Variants in NPTXR observed in about 807,000 individuals in gnomAD.
The protein encoded by NPTXR is neuronal pentraxin receptor.
Under a neutral mutation model 32.2 loss-of-function variants are expected in NPTXR, and 12 were observed. The ratio of observed to expected loss-of-function variants is 0.37; its 90% confidence interval spans 0.24 to 0.60. The LOEUF (loss-of-function observed/expected upper bound fraction) is 0.60, where lower values mean the gene tolerates loss of function less well. Ranked by LOEUF, NPTXR falls within the 20% of genes least tolerant of loss-of-function variation. The pLI is 0.66. For synonymous variants in NPTXR, 323 were observed against 315.8 expected (o/e 1.02, Z -0.24); for missense variants, 612 against 682.9 (o/e 0.90, Z 1.16).
intron 4 of NPTXR, 122 bp from the exon 5 acceptor site, chr22:38,822,955 C>T: frequency 7.0e-7 from 1 of 1,433,728 alleles, no homozygotes; most frequent in Admixed American, 1.9e-5. Context: ...CACTGAAGCC[C>T]CACCGCCAAC....
chr22:38,827,675 A>T (rs1188589897), intron 2 of NPTXR, among the ~76,000 whole-genome samples: 2 of 152,238 alleles, frequency 1.3e-5, no homozygotes, highest in Non-Finnish European at 2.9e-5. Context: ...AAGGTCTTTG[A>T]GAGCTCATGA....
In NPTXR at chr22:38,828,403, T is replaced by G. The variant is rs1243809273; in HGVS notation, c.734A>C (p.Gln245Pro). The change falls in exon 2 of 5, where the codon CAG becomes CCG. Residue 245 changes from glutamine (Q) to proline (P), a missense_variant. Physicochemically the swap from Gln to Pro is moderately conservative, Grantham distance 76. Transcript: ENST00000333039. ...ACGCTCCTTCTCCAGTGCCAGCACC[T>G]GGGCCAGCAGCTGCCCCTCCAGCTG... is the stretch of plus-strand genomic sequence containing the variant. 6.2e-7 allele frequency: 1 copy of G among 1,612,654 alleles called. No individual in the cohort carries two copies. Among genetic ancestry groups the G allele is most frequent in the East Asian group, 2.2e-5 (1 of 44,874 alleles).
At chr22:38,835,978 G>A (rs1157498921) in intron 1 of NPTXR, among the ~76,000 whole-genome samples, 3 of 151,772 alleles carry the variant, frequency 2.0e-5, no homozygotes, top group East Asian at 1.9e-4. Context: ...GAGGAGCACC[G>A]ACCTCTGAGT....
In NPTXR at chr22:38,843,685, G is replaced by A; in HGVS notation, c.174C>T (p.Ser58=). ...CGCCCGCGCCGTGCAGCGCGCTCAG[G>A]CTCCGCTGCGGGCCCGGGGACGCGG... The change falls in exon 1 of 5, where the codon AGC becomes AGT. Residue 58 remains serine, a synonymous_variant. Transcript: ENST00000333039. This position sits in a 1 kb window ranked among gnomAD's most constrained non-coding sequence, Gnocchi z 5.3. The A allele has an allele frequency of 9.9e-7, 1 of 1,005,740 alleles. No individual in the cohort carries two copies. The highest frequency in any genetic ancestry group is 1.2e-6 in the Non-Finnish European group (1 of 845,330). The allele number at this position is 1,005,740 out of a possible 1,614,324, so 62.3% of individuals were successfully genotyped here.
At chr22:38,826,832 T>C in intron 2 of NPTXR, 85 bp from the exon 3 acceptor site, 1 of 1,495,182 alleles carries the variant, frequency 6.7e-7, no homozygotes, top group East Asian at 2.3e-5. Context: ...GAAAGATGGC[T>C]AACAGCTCCC....
In NPTXR at chr22:38,822,637, T is replaced by C. The variant is rs775859393; in HGVS notation, c.1475A>G (p.Asp492Gly). 1.9e-5 allele frequency: 31 copies of C among 1,613,176 alleles called. No individual in the cohort carries two copies. The highest frequency in any genetic ancestry group is 1.9e-5 in the Non-Finnish European group (23 of 1,179,830). The change falls in exon 5 of 5, where the codon GAT becomes GGT. Residue 492 changes from aspartate to glycine, a missense_variant. Coordinates refer to ENST00000333039, the MANE Select transcript of NPTXR (RefSeq NM_014293.4). ...TGCCTTGGCCCTCCCCTTGCAGACA[T>C]CGAAGGCAGCCTTTGTTGCACCCCC...
Position 38,843,700 on chromosome 22 carries a change from C to A in NPTXR, c.159G>T (p.Pro53=). ...GCGCGCTCAGGCTCCGCTGCGGGCC[C>A]GGGGACGCGGCGGCGCCCGAGGCGA... The change falls in exon 1 of 5, where the codon CCG becomes CCT. Residue 53 remains proline (P), a synonymous_variant. Transcript: ENST00000333039. The surrounding 1 kb of genome is among the most constrained non-coding windows in gnomAD (Gnocchi z 5.3). 1 of 995,610 alleles carries A rather than the reference C, an allele frequency of 1.0e-6. No homozygotes were observed. The highest frequency in any genetic ancestry group is 1.2e-6 in the Non-Finnish European group (1 of 838,656). 61.7% of individuals were successfully genotyped at this position (995,610 alleles called of 1,614,324 possible).
At chr22:38,842,427 G>T (rs2093132913) in intron 1 of NPTXR, among the ~76,000 whole-genome samples, 1 of 152,242 alleles carries the variant, frequency 6.6e-6, no homozygotes, top group Non-Finnish European at 1.5e-5. Flanking sequence ...CAGGGAGGAA[G>T]GTGGCCATGG....
intron 1 of NPTXR, among the ~76,000 whole-genome samples, chr22:38,830,585 G>A (rs903058298): frequency 3.3e-5 from 5 of 152,228 alleles, no homozygotes; most frequent in South Asian, 2.1e-4. Flanking sequence ...CACTCGCCAC[G>A]CAGCCTCTCT....
Position 38,826,570 on chromosome 22 carries a change from G to A in NPTXR, c.1028C>T (p.Pro343Leu). The A allele has an allele frequency of 1.2e-6, 2 of 1,614,210 alleles. No individual in the cohort carries two copies. The highest frequency in any genetic ancestry group is 1.7e-6 in the Non-Finnish European group (2 of 1,180,040). Residue 343 changes from proline to leucine, a missense_variant, in exon 3 of 5, where the codon CCC becomes CTC. By Grantham distance (98) the Pro-to-Leu change is moderately conservative. Coordinates refer to ENST00000333039, the MANE Select transcript of NPTXR (RefSeq NM_014293.4). ...CAGTACAATCTCGTTGGCCTGCCCG[G>A]GCACTGAGTAGGAGAAGGGGGTGCC... is the stretch of plus-strand genomic sequence containing the variant.
At chr22:38,827,836 G>C (rs1046255598) in intron 2 of NPTXR, among the ~76,000 whole-genome samples, 2 of 152,168 alleles carry the variant, frequency 1.3e-5, no homozygotes, top group African/African-American at 4.8e-5. Flanking sequence ...ATGTTCCTTT[G>C]ACCCCTTGGC....
chr22:38,826,840 C>T, intron 2 of NPTXR, 93 bp from the exon 3 acceptor site: 3 of 1,439,098 alleles, frequency 2.1e-6, no homozygotes, highest in Non-Finnish European at 1.9e-6. Flanking sequence ...GCTAACAGCT[C>T]CCAGGCACCT....
rs2093100866 is a variant in NPTXR, at chr22:38,823,150, G to C, written c.1211C>G (p.Ser404Cys). ...GTGCCAGGCAGCCAGGTTCTCACCGGAGCCCTGCAGCTCCCCGTCCTGGTA... is the reference window on the plus strand; with the variant it reads ...GTGCCAGGCAGCCAGGTTCTCACCGCAGCCCTGCAGCTCCCCGTCCTGGTA... The change falls in exon 4 of 5, where the codon TCC becomes TGC. Residue 404 changes from serine (S) to cysteine (C), a missense_variant. Transcript: ENST00000333039. 3 of 1,614,126 alleles carry C rather than the reference G, an allele frequency of 1.9e-6. No homozygotes were observed. The highest frequency in any genetic ancestry group is 2.5e-6 in the Non-Finnish European group (3 of 1,180,024).
chr22:38,833,677 G>A (rs1346732690), intron 1 of NPTXR, among the ~76,000 whole-genome samples: 1 of 142,694 alleles, frequency 7.0e-6, no homozygotes, highest in African/African-American at 2.6e-5. Flanking sequence ...TTTTTGCGAT[G>A]GAGTTTCTTT....
Position 38,843,407 on chromosome 22 carries a change from A to C in NPTXR, c.452T>G (p.Ile151Ser). ...GCCCAGCTTGCCGGTGAGCTCACGG[A>C]TGGTGTCCTGGTCGGCGCGGATGCG... The change falls in exon 1 of 5, where the codon ATC becomes AGC. Residue 151 changes from isoleucine to serine, a missense_variant. By Grantham distance (142) the Ile-to-Ser change is moderately radical. Coordinates refer to ENST00000333039, the MANE Select transcript of NPTXR (RefSeq NM_014293.4). The surrounding 1 kb of genome is among the most constrained non-coding windows in gnomAD (Gnocchi z 5.3). 1 of 1,415,126 alleles carries C rather than the reference A, an allele frequency of 7.1e-7. No homozygotes were observed. The highest frequency in any genetic ancestry group is 9.1e-7 in the Non-Finnish European group (1 of 1,092,996). 87.7% of individuals were successfully genotyped at this position (1,415,126 alleles called of 1,614,324 possible).
In NPTXR at chr22:38,843,345, C is replaced by A; in HGVS notation, c.514G>T (p.Ala172Ser). ...GCCATGGTGTCGCGGCGGGGCCCGG[C>A]GCCCTGGAGGCCGCGCGGCAGGCCG... Residue 172 changes from alanine to serine, a missense_variant, in exon 1 of 5, where the codon GCC becomes TCC. Coordinates refer to ENST00000333039, the MANE Select transcript of NPTXR (RefSeq NM_014293.4). This position sits in a 1 kb window ranked among gnomAD's most constrained non-coding sequence, Gnocchi z 5.3. 7.1e-7 allele frequency: 1 copy of A among 1,411,608 alleles called. No individual in the cohort carries two copies. Among genetic ancestry groups the A allele is most frequent in the Non-Finnish European group, 9.2e-7 (1 of 1,090,786 alleles). The allele number at this position is 1,411,608 out of a possible 1,614,324, so 87.4% of individuals were successfully genotyped here.
At chr22:38,833,345 G>A (rs1460204871) in intron 1 of NPTXR, among the ~76,000 whole-genome samples, 1 of 152,180 alleles carries the variant, frequency 6.6e-6, no homozygotes, top group Admixed American at 6.5e-5. Context: ...GACTGCAGGG[G>A]CACCAGGACC....
intron 3 of NPTXR, 39 bp from the exon 4 acceptor site, chr22:38,823,301 C>G (rs1307366515): frequency 6.3e-7 from 1 of 1,581,420 alleles, no homozygotes. Context: ...AGAGGTGCCC[C>G]AAGGCCCAAG....
intron 1 of NPTXR, among the ~76,000 whole-genome samples, chr22:38,842,923 T>G (rs2093133641): frequency 6.6e-6 from 1 of 152,224 alleles, no homozygotes; most frequent in Non-Finnish European, 1.5e-5. Flanking sequence ...CACCTACATT[T>G]GATTCAATTT....
Sources: allele counts gnomAD v4.1 joint callset (sites outside exome capture counted in the v4.1 genomes callset), GRCh38; gene constraint gnomAD v4.1.1; non-coding constraint Gnocchi (gnomAD v3.1); transcripts MANE v1.5; gene names NCBI Gene and HGNC (gene_info 2026-07-23, HGNC 2026-07-21).